TSNARE1: variants seen among roughly 807,000 people sequenced by gnomAD.
The protein encoded by TSNARE1 is t-SNARE domain-containing protein 1.
A neutral mutation model predicts 62.0 loss-of-function variants in TSNARE1; 49 were observed. That is an observed-to-expected ratio of 0.79 (90% CI 0.63 to 1.00). TSNARE1 has a LOEUF of 1.00. TSNARE1 is among the 50% of genes least tolerant of loss of function. The probability of loss-of-function intolerance (pLI) is 0.00; values close to 1 mark genes in which losing one functional copy is unlikely to be tolerated. For synonymous variants in TSNARE1, 328 were observed against 294.4 expected (o/e 1.11, Z -1.17); for missense variants, 755 against 700.1 (o/e 1.08, Z -0.88).
intron 1 of TSNARE1, among the ~76,000 whole-genome samples, chr8:142,392,338 G>C (rs1837591657): frequency 6.6e-6 from 1 of 152,034 alleles, no homozygotes; most frequent in African/African-American, 2.4e-5. Flanking sequence ...TTTTTAATAA[G>C]TAAAAGGAGT....
intron 4 of TSNARE1, among the ~76,000 whole-genome samples, chr8:142,338,903 T>C (rs1586892624): frequency 6.6e-6 from 1 of 152,164 alleles, no homozygotes; most frequent in South Asian, 2.1e-4. Context: ...CTCTGCCATC[T>C]GGGAGCCACC....
At chr8:142,364,202 C>G (rs529273487) in intron 1 of TSNARE1, among the ~76,000 whole-genome samples, 31 of 152,290 alleles carry the variant, frequency 2.0e-4, no homozygotes, top group African/African-American at 7.0e-4. Context: ...CTGAGGTCTG[C>G]CCTCATGGCA....
chr8:142,276,442 C>T (rs117523413), intron 11 of TSNARE1: 16,419 of 985,474 alleles, frequency 0.017, 155 homozygotes, highest in Non-Finnish European at 0.018. Flanking sequence ...GGCAATGCCC[C>T]GCTCACGTGC....
intron 4 of TSNARE1, among the ~76,000 whole-genome samples, chr8:142,332,473 T>TATAAAGTGG (rs34253650): frequency 6.6e-6 from 1 of 152,072 alleles, no homozygotes; most frequent in Admixed American, 6.5e-5. Context: ...ATTTTAGAAT[T>TATAAAGTGG]AGTGGTGATT....
At chr8:142,292,254 C>T (rs1402976247) in intron 10 of TSNARE1, among the ~76,000 whole-genome samples, 1 of 152,184 alleles carries the variant, frequency 6.6e-6, no homozygotes, top group African/African-American at 2.4e-5. Context: ...GGAAAGCAGT[C>T]TCAGCTTTGC....
Position 142,314,241 on chromosome 8 carries a change from C to G in TSNARE1, c.1131+143G>C, listed in dbSNP as rs915013577. 8.5e-6 allele frequency: 6 copies of G among 705,082 alleles called. No homozygotes were observed. In the African/African-American group the frequency reaches 1.1e-4, roughly 13 times the overall value. 43.7% of individuals were successfully genotyped at this position (705,082 alleles called of 1,614,324 possible). Reference sequence around the variant, plus strand: ...CAGGGCCCAAAGGTCAAAATGCCCACGTTTTCAAGGCTGTGCCTCAGGGCG... The same window carrying G: ...CAGGGCCCAAAGGTCAAAATGCCCAGGTTTTCAAGGCTGTGCCTCAGGGCG... On this transcript the variant is annotated intron_variant, in intron 9 of 13. Coordinates refer to ENST00000524325, the MANE Select transcript of TSNARE1 (RefSeq NM_145003.5).
chr8:142,363,746 G>A (rs563556272), intron 1 of TSNARE1, among the ~76,000 whole-genome samples: 104 of 152,190 alleles, frequency 6.8e-4, no homozygotes, highest in African/African-American at 2.4e-3. Context: ...CCACCAAAAC[G>A]GCTCCCACCC....
chr8:142,289,970 T>A lies in TSNARE1; in HGVS notation c.1291-5485A>T, dbSNP rs189952757. ...ACCACAAGAGACAGAAGAGGGCCTC[T>A]CAGGCAGGCAGCTAGCATGGGTGGG... On this transcript the variant is annotated intron_variant, in intron 10 of 13. Transcript: ENST00000524325. 2.8e-4 allele frequency among the ~76,000 whole-genome samples: 42 copies of A among 152,276 alleles called. 3 individuals are homozygous for A. The East Asian group carries it at 3.9e-3, about 14-fold the overall frequency.
chr8:142,217,989 TATGAGCAGGATCAGGGCTC>T (rs1815993182), intron 13 of TSNARE1, among the ~76,000 whole-genome samples: 1 of 99,876 alleles, frequency 1.0e-5, no homozygotes, highest in Non-Finnish European at 2.1e-5. Context: ...GGGCTCAGAG[TATGAGCAGGATCAGGGCTC>T]AGTGTGTGGC....
At chr8:142,267,875 G>C (rs922046035) in intron 12 of TSNARE1, among the ~76,000 whole-genome samples, 7 of 152,222 alleles carry the variant, frequency 4.6e-5, no homozygotes, top group African/African-American at 7.2e-5. Flanking sequence ...TCTGGGATAG[G>C]TCGGCAACCC....
chr8:142,250,601 T>C (rs879002361), intron 12 of TSNARE1, among the ~76,000 whole-genome samples: 21 of 152,170 alleles, frequency 1.4e-4, no homozygotes, highest in African/African-American at 4.6e-4. Flanking sequence ...TCTGTCTTGT[T>C]GATGGCAGCG....
At chr8:142,270,794 G>A in intron 12 of TSNARE1, 1 of 985,430 alleles carries the variant, frequency 1.0e-6, no homozygotes, top group African/African-American at 1.7e-5. Flanking sequence ...GCTGCCACAT[G>A]GGGTTGGAGC....
At chr8:142,348,635 C>A (rs1277843974) in intron 2 of TSNARE1, among the ~76,000 whole-genome samples, 1 of 149,438 alleles carries the variant, frequency 6.7e-6, no homozygotes, top group Non-Finnish European at 1.5e-5. Flanking sequence ...CCCGGCACCC[C>A]ATGCCCACCC....
At chr8:142,252,435 G>T (rs962399856) in intron 12 of TSNARE1, among the ~76,000 whole-genome samples, 4 of 152,192 alleles carry the variant, frequency 2.6e-5, no homozygotes, top group South Asian at 4.1e-4. Flanking sequence ...AATGAGGCTG[G>T]TTTCCCCGTC....
intron 11 of TSNARE1, 141 bp from the exon 12 acceptor site, chr8:142,275,004 T>C (rs1254191734): frequency 7.3e-7 from 1 of 1,372,046 alleles, no homozygotes; most frequent in African/African-American, 1.5e-5. Context: ...GGCGCTGGGC[T>C]GCCAGACGTG....
intron 1 of TSNARE1, among the ~76,000 whole-genome samples, chr8:142,389,763 A>C (rs549092513): frequency 2.0e-5 from 3 of 152,370 alleles, no homozygotes; most frequent in Admixed American, 2.0e-4. Context: ...GTGAAAGAAA[A>C]AGCAAAAAAG....
chr8:142,276,469 A>C (rs1586955614), intron 11 of TSNARE1: 1 of 985,440 alleles, frequency 1.0e-6, no homozygotes, highest in Non-Finnish European at 1.2e-6. Flanking sequence ...GCCACCTTAC[A>C]CCTGCAGTGG....
chr8:142,383,968 C>CCA (rs1836946489), intron 1 of TSNARE1, among the ~76,000 whole-genome samples: 1 of 152,252 alleles, frequency 6.6e-6, no homozygotes, highest in East Asian at 1.9e-4. Flanking sequence ...CAGGCAGGGC[C>CCA]CACACAGGAG....
chr8:142,267,057 CTTTTTA>C (rs1043388009), intron 12 of TSNARE1, among the ~76,000 whole-genome samples: 3 of 152,180 alleles, frequency 2.0e-5, no homozygotes, highest in Non-Finnish European at 2.9e-5. Context: ...GTGATTTCAT[CTTTTTA>C]TTTTTAAAAA....
Sources: gnomAD v4.1 joint callset for allele counts (sites outside exome capture counted in the v4.1 genomes callset) on GRCh38, gnomAD v4.1.1 for gene constraint, MANE v1.5 for transcripts, NCBI Gene and HGNC (gene_info 2026-07-23, HGNC 2026-07-21) for gene names.